The following TRAPPC9 variants were observed in gnomAD, a reference collection of about 807,000 sequenced individuals.
The protein encoded by TRAPPC9 is IKK2 binding protein.
TRAPPC9 carries 83 observed loss-of-function variants against 124.0 expected under a neutral mutation model. The observed-to-expected ratio is 0.67, with a 90% CI of 0.56 to 0.80. TRAPPC9 has a LOEUF of 0.80. TRAPPC9 is among the 30% of genes least tolerant of loss of function. The pLI is 0.00. For synonymous variants in TRAPPC9, 638 were observed against 617.5 expected, an observed-to-expected ratio of 1.03 and a Z score of -0.49; for missense variants, 1,302 against 1,508.3, an observed-to-expected ratio of 0.86 and a Z score of 2.27.
At chr8:140,427,136 A>G (rs1278720125) in intron 4 of TRAPPC9, among the ~76,000 whole-genome samples, 1 of 142,960 alleles carries the variant, frequency 7.0e-6, no homozygotes, top group East Asian at 2.1e-4. Context: ...GGGTTTCACC[A>G]TGTTAGCCAG....
intron 21 of TRAPPC9, among the ~76,000 whole-genome samples, chr8:139,841,477 G>C (rs1412178680): frequency 6.6e-6 from 1 of 152,132 alleles, no homozygotes; most frequent in East Asian, 1.9e-4. Context: ...GTGCCTGCTT[G>C]TCTGGCAGAA....
intron 9 of TRAPPC9, among the ~76,000 whole-genome samples, chr8:140,315,456 T>C (rs1433675881): frequency 6.6e-6 from 1 of 152,136 alleles, no homozygotes; most frequent in East Asian, 1.9e-4. Context: ...AAGTTATATC[T>C]TGTGTTCAAG....
intron 17 of TRAPPC9, among the ~76,000 whole-genome samples, chr8:140,205,790 A>T: frequency 6.6e-6 from 1 of 152,128 alleles, no homozygotes; most frequent in Non-Finnish European, 1.5e-5. Flanking sequence ...CATCTCAGCT[A>T]CCCAGAGTCA....
chr8:139,845,383 C>T (rs745634712), intron 21 of TRAPPC9, among the ~76,000 whole-genome samples: 3 of 152,278 alleles, frequency 2.0e-5, no homozygotes, highest in South Asian at 2.1e-4. Context: ...TCCATAAAAG[C>T]GTACGACATT....
In TRAPPC9 at chr8:140,184,692, C is replaced by A. The variant is rs931917355; in HGVS notation, c.2556+36767G>T. Among the ~76,000 whole-genome samples the A allele has an allele frequency of 2.0e-5, 3 of 152,300 alleles. No individual in the cohort carries two copies. In the South Asian group the frequency reaches 6.2e-4, roughly 32 times the overall value. On this transcript the variant is annotated intron_variant, in intron 17 of 22. Transcript: ENST00000438773. ...TCGACCTCCTGACCTCAGTTATCCA[C>A]CTGCCTTGGCCTCCCAAAGTGCTGG...
chr8:139,823,381 C>T (rs576684632), intron 21 of TRAPPC9, among the ~76,000 whole-genome samples: 1 of 151,920 alleles, frequency 6.6e-6, no homozygotes, highest in East Asian at 2.0e-4. Flanking sequence ...GGCTTGGTGC[C>T]CGAATGCAGA....
chr8:140,426,731 G>C, intron 4 of TRAPPC9, 90 bp from the exon 5 acceptor site: 1 of 1,267,304 alleles, frequency 7.9e-7, no homozygotes, highest in African/African-American at 1.5e-5. Flanking sequence ...AATTCACATA[G>C]CCTAGAGAAA....
chr8:140,039,221 C>G (rs1471530156), intron 17 of TRAPPC9, among the ~76,000 whole-genome samples: 1 of 152,194 alleles, frequency 6.6e-6, no homozygotes, highest in Non-Finnish European at 1.5e-5. Flanking sequence ...GGCCACGTGC[C>G]CTATTAACCA....
intron 10 of TRAPPC9, among the ~76,000 whole-genome samples, chr8:140,301,036 A>G (rs1034630413): frequency 6.6e-6 from 1 of 152,222 alleles, no homozygotes; most frequent in African/African-American, 2.4e-5. Flanking sequence ...GGGAGGATCC[A>G]GCTAAAGACT....
At chr8:139,755,082 C>T (rs970861535) in intron 21 of TRAPPC9, among the ~76,000 whole-genome samples, 13 of 152,238 alleles carry the variant, frequency 8.5e-5, no homozygotes, top group African/African-American at 3.1e-4. Context: ...TTGAGGTCAC[C>T]TGAGAGGTCG....
intron 17 of TRAPPC9, among the ~76,000 whole-genome samples, chr8:140,125,739 T>C (rs2061082877): frequency 6.6e-6 from 1 of 151,572 alleles, no homozygotes; most frequent in Non-Finnish European, 1.5e-5. Context: ...GGATTACAGG[T>C]GCGTGCCACC....
chr8:140,405,767 G>T (rs2132432848), intron 5 of TRAPPC9, 69 bp from the exon 6 acceptor site: 2 of 1,584,914 alleles, frequency 1.3e-6, no homozygotes, highest in Non-Finnish European at 1.7e-6. Flanking sequence ...TTAAAGAGGA[G>T]CATGAATAAG....
intron 15 of TRAPPC9, 81 bp from the exon 16 acceptor site, chr8:140,253,010 T>A: frequency 7.1e-7 from 1 of 1,402,220 alleles, no homozygotes; most frequent in South Asian, 1.2e-5. Context: ...AAAATTCTGA[T>A]GCATTCTCAA....
chr8:140,091,486 C>T (rs1395533507), intron 17 of TRAPPC9, among the ~76,000 whole-genome samples: 1 of 152,168 alleles, frequency 6.6e-6, no homozygotes, highest in Admixed American at 6.5e-5. Context: ...GCTGAGCTTG[C>T]TTCAAGGAAG....
At chr8:139,948,946 G>T (rs185383751) in intron 19 of TRAPPC9, among the ~76,000 whole-genome samples, 1 of 152,058 alleles carries the variant, frequency 6.6e-6, no homozygotes, top group Non-Finnish European at 1.5e-5. Flanking sequence ...TGTGGTGGGC[G>T]CCTGTAATCC....
chr8:140,307,125 GA>G (rs1181580310), intron 10 of TRAPPC9, among the ~76,000 whole-genome samples: 1 of 152,176 alleles, frequency 6.6e-6, no homozygotes, highest in Non-Finnish European at 1.5e-5. Flanking sequence ...TTGTCCCCCT[GA>G]AAGAAAGCAG....
intron 15 of TRAPPC9, among the ~76,000 whole-genome samples, chr8:140,275,232 A>G (rs1018698611): frequency 6.6e-6 from 1 of 152,232 alleles, no homozygotes; most frequent in Non-Finnish European, 1.5e-5. Flanking sequence ...TCCAAACTTC[A>G]GCACAGGTCC....
intron 20 of TRAPPC9, among the ~76,000 whole-genome samples, chr8:139,895,694 G>A (rs1830626889): frequency 6.6e-6 from 1 of 152,218 alleles, no homozygotes; most frequent in Admixed American, 6.5e-5. Flanking sequence ...CCTCACCCCG[G>A]TCAGAACTGA....
At chr8:139,957,798 G>A (rs1008706306) in intron 19 of TRAPPC9, among the ~76,000 whole-genome samples, 5 of 152,218 alleles carry the variant, frequency 3.3e-5, no homozygotes, top group Non-Finnish European at 7.3e-5. Context: ...CCCTCGGGCC[G>A]AGCCATCAGC....
Sources: allele counts gnomAD v4.1 joint callset (sites outside exome capture counted in the v4.1 genomes callset), GRCh38; gene constraint gnomAD v4.1.1; transcripts MANE v1.5; gene names NCBI Gene and HGNC (gene_info 2026-07-23, HGNC 2026-07-21).